Variants in MAGI3 observed in about 807,000 individuals in gnomAD.
MAGI3 encodes membrane-associated guanylate kinase, WW and PDZ domain-containing protein 3.
MAGI3 carries 43 observed loss-of-function variants against 121.8 expected under a neutral mutation model. The observed-to-expected ratio is 0.35, with a 90% CI of 0.28 to 0.46. The LOEUF is 0.46. Ranked by LOEUF, MAGI3 falls within the 20% of genes least tolerant of loss-of-function variation. The pLI, the probability that MAGI3 is intolerant of heterozygous loss-of-function variation, is 1.00. For missense variants in MAGI3, 1,547 were observed against 1,797.3 expected, an observed-to-expected ratio of 0.86 and a Z score of 2.52; for synonymous variants, 553 against 639.3, an observed-to-expected ratio of 0.86 and a Z score of 2.04.
intron 9 of MAGI3, among the ~76,000 whole-genome samples, chr1:113,626,490 T>C (rs1163920066): frequency 6.6e-6 from 1 of 152,224 alleles, no homozygotes. Context: ...GAGTTTGGAA[T>C]TATTCTTCCC....
chr1:113,415,983 ATATTAATTATATAATTAAT>A (rs146298110), intron 1 of MAGI3, among the ~76,000 whole-genome samples: 30,442 of 141,930 alleles, frequency 0.21, 4,512 homozygotes, highest in South Asian at 0.41. Flanking sequence ...ACATTTATAT[ATATTAATTATATAATTAAT>A]TACATATATT....
At chr1:113,405,792 C>G (rs1482172825) in intron 1 of MAGI3, among the ~76,000 whole-genome samples, 1 of 152,096 alleles carries the variant, frequency 6.6e-6, no homozygotes, top group Non-Finnish European at 1.5e-5. Context: ...GATTGCTTCT[C>G]CCATGCTTCT....
chr1:113,635,429 G>A (rs1483201383), intron 9 of MAGI3, among the ~76,000 whole-genome samples: 5 of 152,052 alleles, frequency 3.3e-5, no homozygotes, highest in African/African-American at 1.2e-4. Flanking sequence ...AGAGTTTTTA[G>A]CATGAAGCGT....
rs1313041471 is a variant in MAGI3, at chr1:113,494,086, G to T, written c.317-55429G>T. 3.3e-5 allele frequency among the ~76,000 whole-genome samples: 5 copies of T among 152,122 alleles called. No homozygotes were observed. In the East Asian group the frequency reaches 9.6e-4, roughly 29 times the overall value. ...CACATGCACTTATATGTTCATTGCA[G>T]CACTATTCACAATAGTTCGCAAAGA... On this transcript the variant is annotated intron_variant, in intron 1 of 20. Coordinates refer to ENST00000307546, the MANE Select transcript of MAGI3 (RefSeq NM_001142782.2).
At chr1:113,623,022 G>C (rs766370952) in intron 9 of MAGI3, 28 bp downstream of exon 9, 1 of 1,455,166 alleles carries the variant, frequency 6.9e-7, no homozygotes, top group Non-Finnish European at 9.1e-7. Flanking sequence ...ATTATTTGAA[G>C]AGTAGTGATA....
At chr1:113,438,879 G>A (rs908884838) in intron 1 of MAGI3, among the ~76,000 whole-genome samples, 2 of 152,190 alleles carry the variant, frequency 1.3e-5, no homozygotes, top group African/African-American at 4.8e-5. Context: ...CTCACAGATA[G>A]AATATTCATT....
chr1:113,562,833 A>G (rs1234123639), intron 2 of MAGI3, among the ~76,000 whole-genome samples: 1 of 152,184 alleles, frequency 6.6e-6, no homozygotes, highest in Admixed American at 6.5e-5. Context: ...TGTACCCCTG[A>G]ACTTAAAAGT....
intron 1 of MAGI3, among the ~76,000 whole-genome samples, chr1:113,420,564 A>C (rs1652686031): frequency 6.6e-6 from 1 of 152,238 alleles, no homozygotes; most frequent in African/African-American, 2.4e-5. Flanking sequence ...ACTTTTTAAC[A>C]ATTTGAATGG....
chr1:113,452,136 T>G (rs1654514188), intron 1 of MAGI3, among the ~76,000 whole-genome samples: 1 of 152,110 alleles, frequency 6.6e-6, no homozygotes, highest in African/African-American at 2.4e-5. Flanking sequence ...CCTTTTTGTT[T>G]TTTTCCTGCA....
At chr1:113,572,192 A>G (rs953087024) in intron 2 of MAGI3, among the ~76,000 whole-genome samples, 2 of 152,206 alleles carry the variant, frequency 1.3e-5, no homozygotes, top group African/African-American at 2.4e-5. Flanking sequence ...GTGATGGATT[A>G]TGTTTATTGA....
At chr1:113,677,475 C>G (rs533690126) in intron 19 of MAGI3, among the ~76,000 whole-genome samples, 1 of 152,170 alleles carries the variant, frequency 6.6e-6, no homozygotes, top group African/African-American at 2.4e-5. Context: ...CCTCGAAGAT[C>G]GGTTCATGTG....
chr1:113,429,679 G>A (rs1299073487), intron 1 of MAGI3, among the ~76,000 whole-genome samples: 1 of 152,170 alleles, frequency 6.6e-6, no homozygotes, highest in Non-Finnish European at 1.5e-5. Flanking sequence ...CTATGCAAAT[G>A]AAGACTGGGC....
At chr1:113,605,613 T>C (rs564349412) in intron 6 of MAGI3, among the ~76,000 whole-genome samples, 19 of 152,218 alleles carry the variant, frequency 1.2e-4, no homozygotes, top group South Asian at 4.2e-4. Context: ...ATTTTTTTTT[T>C]CCCCGAGACG....
chr1:113,472,099 T>G (rs1165961605), intron 1 of MAGI3, among the ~76,000 whole-genome samples: 1 of 152,210 alleles, frequency 6.6e-6, no homozygotes, highest in East Asian at 1.9e-4. Flanking sequence ...CTCTGTTCTC[T>G]TTTAGTTACC....
At position 113,684,879 on chromosome 1, in the gene MAGI3, C is replaced by CCAA. The variant is rs1648453076; in HGVS notation, c.*867_*869dup. The CCAA allele has an allele frequency of 6.6e-6, 1 of 152,314 alleles. No individual in the cohort carries two copies. Among genetic ancestry groups the CCAA allele is most frequent in the Admixed American group, 6.5e-5 (1 of 15,282 alleles). 9.4% of individuals were successfully genotyped at this position (152,314 alleles called of 1,614,324 possible). A position where few individuals can be genotyped will look rare whatever the true frequency, so the allele number is the denominator to read the frequency against. On this transcript the variant is annotated 3_prime_UTR_variant, in exon 21 of 21. Coordinates refer to ENST00000307546, the MANE Select transcript of MAGI3 (RefSeq NM_001142782.2). The stretch of plus-strand genomic sequence containing the variant: ...TTTATTGCTCTTTGAAGAAAAACCA[C>CCAA]CAACTATTTCTGGATATTTTGGCTG...
chr1:113,394,176 A>AT (rs1417716405), intron 1 of MAGI3, among the ~76,000 whole-genome samples: 13 of 151,892 alleles, frequency 8.6e-5, no homozygotes, highest in East Asian at 7.7e-4. Flanking sequence ...TTTAGCTTTG[A>AT]TTTTTTTTCC....
chr1:113,407,115 G>C (rs1376827403), intron 1 of MAGI3, among the ~76,000 whole-genome samples: 1 of 152,134 alleles, frequency 6.6e-6, no homozygotes, highest in African/African-American at 2.4e-5. Flanking sequence ...AAGGGGTTTG[G>C]ATTTTATTTA....
intron 1 of MAGI3, among the ~76,000 whole-genome samples, chr1:113,451,803 A>G (rs1002307825): frequency 2.0e-5 from 3 of 152,190 alleles, no homozygotes; most frequent in African/African-American, 7.2e-5. Flanking sequence ...TTTCTAGAAA[A>G]GGTAAACATG....
In MAGI3 at chr1:113,555,633, C is replaced by T. The variant is rs754535842; in HGVS notation, c.433+6002C>T. ...AAATCATATGAAACATGTTATCTAG[C>T]CATCATGAAATTAAATTAGAAATTA... On this transcript the variant is annotated intron_variant, in intron 2 of 20. Coordinates refer to ENST00000307546, the MANE Select transcript of MAGI3 (RefSeq NM_001142782.2). 1.4e-3 allele frequency among the ~76,000 whole-genome samples: 213 copies of T among 152,126 alleles called. 3 individuals are homozygous for T. Among genetic ancestry groups the T allele is most frequent in the Non-Finnish European group, 2.5e-3 (172 of 68,014 alleles).
Sources: gnomAD v4.1 joint callset for allele counts (sites outside exome capture counted in the v4.1 genomes callset) on GRCh38, gnomAD v4.1.1 for gene constraint, MANE v1.5 for transcripts, NCBI Gene and HGNC (gene_info 2026-07-23, HGNC 2026-07-21) for gene names.